The following CLMP variants were observed in gnomAD, a reference collection of about 807,000 sequenced individuals.
CLMP encodes the protein CXADR-like membrane protein.
In CLMP, 27 loss-of-function variants were observed where a neutral mutation model predicts 45.2. The ratio of observed to expected loss-of-function variants is 0.60; its 90% CI spans 0.44 to 0.82. CLMP has a LOEUF of 0.82. Among genes scored for constraint, CLMP ranks in the 40% least tolerant of loss-of-function variants. The probability of loss-of-function intolerance (pLI) is 0.00; values close to 1 mark genes in which losing one functional copy is unlikely to be tolerated. For synonymous variants in CLMP, 167 were observed against 171.4 expected (o/e 0.97, Z 0.20); for missense variants, 403 against 448.4 (o/e 0.90, Z 0.91).
At chr11:123,079,233 G>A (rs1173781740) in intron 5 of CLMP, among the ~76,000 whole-genome samples, 1 of 152,184 alleles carries the variant, frequency 6.6e-6, no homozygotes, top group Non-Finnish European at 1.5e-5. Flanking sequence ...TGCTACTAAT[G>A]TATATGTTAG....
chr11:123,173,242 A>G (rs1565403542), intron 1 of CLMP, among the ~76,000 whole-genome samples: 1 of 152,280 alleles, frequency 6.6e-6, no homozygotes, highest in Admixed American at 6.5e-5. Context: ...ATATGACAGC[A>G]TGTGTAATTT....
chr11:123,083,783 C>A lies in CLMP; in HGVS notation c.453G>T (p.Leu151Phe). ...GELTEGSDLT[L>F]QCESSSGTEP... is the part of the protein sequence containing the mutation. ...CTGTGCCAGAGGATGACTCACACTG[C>A]AAAGTCAGGTCACTTCCTTCTGTCA... Residue 151 changes from leucine to phenylalanine, a missense_variant, in exon 4 of 7, where the codon TTG becomes TTT. Physicochemically the swap from Leu to Phe is conservative, Grantham distance 22. Transcript: ENST00000448775. 2 of 1,613,992 alleles carry A rather than the reference C, an allele frequency of 1.2e-6. No individual in the cohort carries two copies. The highest frequency in any genetic ancestry group is 2.2e-5 in the East Asian group (1 of 44,878).
intron 1 of CLMP, among the ~76,000 whole-genome samples, chr11:123,158,763 G>GT: frequency 6.6e-6 from 1 of 152,318 alleles, no homozygotes; most frequent in East Asian, 1.9e-4. Flanking sequence ...CTTCCTGGCT[G>GT]TTGAACTTGG....
chr11:123,123,387 G>A (rs1860846252), intron 1 of CLMP, among the ~76,000 whole-genome samples: 1 of 151,008 alleles, frequency 6.6e-6, no homozygotes, highest in African/African-American at 2.4e-5. Context: ...AGCCTCCCAA[G>A]TAGCTGGGAT....
intron 5 of CLMP, among the ~76,000 whole-genome samples, chr11:123,080,326 CTTTTTTTT>C (rs35892566): frequency 1.5e-5 from 2 of 136,280 alleles, no homozygotes; most frequent in Admixed American, 7.4e-5. Flanking sequence ...TGAAGGTGTA[CTTTTTTTT>C]TTTTTTTTTT....
intron 1 of CLMP, among the ~76,000 whole-genome samples, chr11:123,188,116 C>T (rs1230066755): frequency 6.6e-6 from 1 of 152,184 alleles, no homozygotes; most frequent in African/African-American, 2.4e-5. Flanking sequence ...TCCCACTGAG[C>T]TGAATTCTTA....
At chr11:123,161,536 A>G (rs2135533755) in intron 1 of CLMP, among the ~76,000 whole-genome samples, 1 of 152,196 alleles carries the variant, frequency 6.6e-6, no homozygotes, top group African/African-American at 2.4e-5. Flanking sequence ...TTAGCCAAGC[A>G]TGGTGGCAAT....
intron 2 of CLMP, among the ~76,000 whole-genome samples, chr11:123,089,237 T>G (rs535263679): frequency 2.6e-5 from 4 of 151,664 alleles, no homozygotes; most frequent in Admixed American, 2.6e-4. Context: ...TTACAAAAAT[T>G]AGCCGGGCAT....
At chr11:123,078,917 T>C (rs941416305) in intron 5 of CLMP, among the ~76,000 whole-genome samples, 1 of 152,182 alleles carries the variant, frequency 6.6e-6, no homozygotes, top group Non-Finnish European at 1.5e-5. Context: ...GTGCTGGGAT[T>C]ATAGGCGTGA....
rs376574506 is a variant in CLMP at position 123,130,148 on chromosome 11, G to C, written c.29-32196C>G. Among the ~76,000 whole-genome samples, 13 of 152,276 alleles carry C rather than the reference G, an allele frequency of 8.5e-5. No individual in the cohort carries two copies. The East Asian group carries it at 2.5e-3, about 29-fold the overall frequency. On this transcript the variant is annotated intron_variant, in intron 1 of 6. Coordinates refer to ENST00000448775, the MANE Select transcript of CLMP (RefSeq NM_024769.5). The stretch of plus-strand genomic sequence containing the variant: ...AGAGTAAAAATATTCAAGGGAAAAG[G>C]AGGTAAAGAAAATTAGTGTTGGGGC...
chr11:123,132,254 G>A (rs868061963), intron 1 of CLMP, among the ~76,000 whole-genome samples: 1 of 152,126 alleles, frequency 6.6e-6, no homozygotes, highest in Non-Finnish European at 1.5e-5. Context: ...GCACACGGCC[G>A]GTGAGTGGGC....
rs970975663 is a variant in CLMP at position 123,145,942 on chromosome 11, G to A, written c.29-47990C>T. 5.9e-5 allele frequency among the ~76,000 whole-genome samples: 9 copies of A among 152,318 alleles called. No individual in the cohort carries two copies. In the East Asian group the frequency reaches 1.7e-3, roughly 29 times the overall value. On this transcript the variant is annotated intron_variant, in intron 1 of 6. Transcript: ENST00000448775. ...ACCTATAGCCCTCCCTGGAGGGGAA[G>A]GCCCATAACCCCAGCAGGCGGGGTC... is the stretch of plus-strand genomic sequence containing the variant.
At chr11:123,104,730 G>A (rs1860513465) in intron 1 of CLMP, among the ~76,000 whole-genome samples, 1 of 152,166 alleles carries the variant, frequency 6.6e-6, no homozygotes, top group African/African-American at 2.4e-5. Context: ...GGGGGCTGCT[G>A]AGCTTGTCTG....
chr11:123,136,245 A>G (rs1046977192), intron 1 of CLMP: 2 of 652,866 alleles, frequency 3.1e-6, no homozygotes, highest in Non-Finnish European at 5.9e-6. Context: ...GCTACTGCGT[A>G]TTTTTCCACC....
At chr11:123,092,550 C>A (rs1357998871) in intron 2 of CLMP, among the ~76,000 whole-genome samples, 1 of 152,176 alleles carries the variant, frequency 6.6e-6, no homozygotes, top group Non-Finnish European at 1.5e-5. Context: ...CCCGCCTTGG[C>A]CTCCCAAAGT....
At chr11:123,113,270 T>G (rs1860667947) in intron 1 of CLMP, among the ~76,000 whole-genome samples, 1 of 152,186 alleles carries the variant, frequency 6.6e-6, no homozygotes, top group South Asian at 2.1e-4. Flanking sequence ...CTGTTACCAT[T>G]CTAGGTGCTG....
At chr11:123,080,767 C>T (rs1865795400) in intron 5 of CLMP, among the ~76,000 whole-genome samples, 1 of 152,070 alleles carries the variant, frequency 6.6e-6, no homozygotes. Context: ...AACAGCTAAA[C>T]CAAAATAGGC....
At chr11:123,082,738 G>A (rs1865820516) in intron 5 of CLMP, among the ~76,000 whole-genome samples, 1 of 151,922 alleles carries the variant, frequency 6.6e-6, no homozygotes, top group Admixed American at 6.6e-5. Context: ...AGCTTCCTGA[G>A]TAGCTGAGAT....
chr11:123,094,519 A>T (rs1480592272), intron 2 of CLMP, among the ~76,000 whole-genome samples: 1 of 152,244 alleles, frequency 6.6e-6, no homozygotes, highest in Non-Finnish European at 1.5e-5. Context: ...CCTTATTTGT[A>T]AAATGGGCCC....
Sources: allele counts gnomAD v4.1 joint callset (sites outside exome capture counted in the v4.1 genomes callset), GRCh38; gene constraint gnomAD v4.1.1; transcripts MANE v1.5; gene names NCBI Gene and HGNC (gene_info 2026-07-23, HGNC 2026-07-21).